NUP98: variants seen among roughly 807,000 people sequenced by gnomAD.
The protein encoded by NUP98 is nuclear pore complex protein Nup98-Nup96.
Under a neutral mutation model 191.9 loss-of-function variants are expected in NUP98, and 26 were observed. The observed-to-expected ratio is 0.14, with a 90% CI of 0.10 to 0.19. NUP98 has a LOEUF of 0.19. NUP98 is among the 10% of genes least tolerant of loss of function. NUP98 has a pLI of 1.00. For missense variants in NUP98, 1,941 were observed against 2,178.8 expected (o/e 0.89, Z 2.17); for synonymous variants, 808 against 778.4 (o/e 1.04, Z -0.63).
intron 6 of NUP98, 122 bp from the exon 7 acceptor site, chr11:3,772,050 G>C: frequency 1.3e-6 from 1 of 755,152 alleles, no homozygotes; most frequent in East Asian, 2.7e-5. Context: ...AACTAAAAAA[G>C]AGAAAACTAA....
At chr11:3,682,377 A>G (rs1199995284) in intron 30 of NUP98, among the ~76,000 whole-genome samples, 1 of 152,242 alleles carries the variant, frequency 6.6e-6, no homozygotes, top group Non-Finnish European at 1.5e-5. Context: ...TTCTCTCTGT[A>G]CACCTAATCA....
At chr11:3,741,167 A>C (rs1407585857) in intron 12 of NUP98, among the ~76,000 whole-genome samples, 1 of 152,094 alleles carries the variant, frequency 6.6e-6, no homozygotes, top group Admixed American at 6.6e-5. Flanking sequence ...CAAGCACTAA[A>C]GTACTATCAA....
chr11:3,773,466 T>C (rs1296921165), intron 6 of NUP98, among the ~76,000 whole-genome samples, 166 bp downstream of exon 6: 1 of 152,126 alleles, frequency 6.6e-6, no homozygotes, highest in Non-Finnish European at 1.5e-5. Context: ...CAAGTAGATA[T>C]CTATAAATAA....
chr11:3,787,586 GAAC>G (rs1182226771), intron 1 of NUP98, among the ~76,000 whole-genome samples: 5 of 151,750 alleles, frequency 3.3e-5, no homozygotes, highest in Non-Finnish European at 2.9e-5. Context: ...CAAAAAAAAA[GAAC>G]ATCATACCCT....
In NUP98 at chr11:3,676,626, A is replaced by G; in HGVS notation, c.5074-6T>C. 2 of 1,609,722 alleles carry G rather than the reference A, an allele frequency of 1.2e-6. No homozygotes were observed. The highest frequency in any genetic ancestry group is 1.7e-6 in the Non-Finnish European group (2 of 1,176,070). Reference sequence around the variant, plus strand: ...TCATTACCTGAGCAATCCACCTACAAAGAAGCAGAGAAGCCAATTAATCCA... The same window carrying G: ...TCATTACCTGAGCAATCCACCTACAGAGAAGCAGAGAAGCCAATTAATCCA... On this transcript the variant is annotated splice_polypyrimidine_tract_variant and splice_region_variant and intron_variant, in intron 31 of 32. Coordinates refer to ENST00000324932, the MANE Select transcript of NUP98 (RefSeq NM_016320.5).
At chr11:3,780,657 C>T (rs1170560670) in intron 2 of NUP98, among the ~76,000 whole-genome samples, 2 of 151,900 alleles carry the variant, frequency 1.3e-5, no homozygotes, top group Non-Finnish European at 1.5e-5. Flanking sequence ...AATCCTTAGC[C>T]CAGTGCCGTG....
intron 18 of NUP98, among the ~76,000 whole-genome samples, chr11:3,716,165 A>C (rs1186548266): frequency 1.3e-5 from 2 of 152,088 alleles, no homozygotes; most frequent in Non-Finnish European, 2.9e-5. Context: ...CAATGTTATG[A>C]AGCTTTTCCT....
At chr11:3,783,956 T>C (rs1225181229) in intron 1 of NUP98, among the ~76,000 whole-genome samples, 1 of 152,152 alleles carries the variant, frequency 6.6e-6, no homozygotes, top group Non-Finnish European at 1.5e-5. Context: ...CTCCACAAAT[T>C]TTCCTTAAAT....
At chr11:3,759,531 A>G (rs1443133888) in intron 10 of NUP98, among the ~76,000 whole-genome samples, 1 of 152,114 alleles carries the variant, frequency 6.6e-6, no homozygotes, top group Non-Finnish European at 1.5e-5. Context: ...CGGGAGGCAG[A>G]GTTTGCAGTG....
intron 28 of NUP98, among the ~76,000 whole-genome samples, chr11:3,688,916 TG>T (rs1385794961): frequency 1.6e-3 from 230 of 148,358 alleles, no homozygotes; most frequent in African/African-American, 5.2e-3. Flanking sequence ...AAACAAAAAC[TG>T]TAAGTATTTC....
Position 3,797,482 on chromosome 11 carries a change from A to ACCGTCGCCG in NUP98, c.-120_-112dup, listed in dbSNP as rs144528677. 6.9e-6 allele frequency: 3 copies of ACCGTCGCCG among 432,582 alleles called. No individual in the cohort carries two copies. Among genetic ancestry groups the ACCGTCGCCG allele is most frequent in the Non-Finnish European group, 1.2e-5 (3 of 246,428 alleles). The allele number at this position is 432,582 out of a possible 1,614,324, so 26.8% of individuals were successfully genotyped here. The stretch of plus-strand genomic sequence containing the variant: ...CAGAGCAGCGCGCGGCCCCCACGAA[A>ACCGTCGCCG]CCGTCGCCGCCGCCGCTACCACCCC... On this transcript the variant is annotated 5_prime_UTR_variant, in exon 1 of 33. Transcript: ENST00000324932.
chr11:3,774,419 A>G (rs1463832648), intron 5 of NUP98, among the ~76,000 whole-genome samples: 1 of 151,476 alleles, frequency 6.6e-6, no homozygotes, highest in Non-Finnish European at 1.5e-5. Flanking sequence ...CTCAAAAAAC[A>G]GCAACAACAA....
rs368211221 is a variant in NUP98, at chr11:3,775,864, T to C, written c.495+18A>G. ...TGCGGGAAAAAACATTCCACAAAGA[T>C]TGGAAGAAAATACATACGTTAAATT... On this transcript the variant is annotated intron_variant, in intron 5 of 32. Coordinates refer to ENST00000324932, the MANE Select transcript of NUP98 (RefSeq NM_016320.5). 27 of 1,602,318 alleles carry C rather than the reference T, an allele frequency of 1.7e-5. No individual in the cohort carries two copies. The highest frequency in any genetic ancestry group is 3.3e-4 in the Middle Eastern group (2 of 6,032).
intron 18 of NUP98, among the ~76,000 whole-genome samples, chr11:3,718,740 T>C (rs2079278311): frequency 6.6e-6 from 1 of 152,096 alleles, no homozygotes; most frequent in African/African-American, 2.4e-5. Context: ...CACACTAAAA[T>C]AGAGAGTTAA....
In NUP98 at chr11:3,692,142, G is replaced by C. The variant is rs78156821; in HGVS notation, c.4312-653C>G. 5.5e-3 allele frequency among the ~76,000 whole-genome samples: 836 copies of C among 152,090 alleles called. 7 individuals carry two copies. The highest frequency in any genetic ancestry group is 0.017 in the African/African-American group (704 of 41,488). On this transcript the variant is annotated intron_variant, in intron 27 of 32. Coordinates refer to ENST00000324932, the MANE Select transcript of NUP98 (RefSeq NM_016320.5). ...GAAGATATTGGCATATTACCCGTCTGACATAAAAAGATAAGAAAAAAAAAT... is the reference window on the plus strand; with the variant it reads ...GAAGATATTGGCATATTACCCGTCTCACATAAAAAGATAAGAAAAAAAAAT...
Position 3,685,900 on chromosome 11 carries a change from T to C in NUP98, c.4676+73A>G, listed in dbSNP as rs547727330. The C allele has an allele frequency of 3.9e-5, 47 of 1,215,602 alleles. No individual in the cohort carries two copies. The East Asian group carries it at 1.1e-3, about 28-fold the overall frequency. 75.3% of individuals were successfully genotyped at this position (1,215,602 alleles called of 1,614,324 possible). ...CACAATTACTTGCTAAACTGAACCC[T>C]GAAAGACTGATTCCTTTGGAATTGC... On this transcript the variant is annotated intron_variant, in intron 29 of 32. Coordinates refer to ENST00000324932, the MANE Select transcript of NUP98 (RefSeq NM_016320.5).
At chr11:3,696,019 C>T (rs1462258485) in intron 25 of NUP98, among the ~76,000 whole-genome samples, 2 of 151,638 alleles carry the variant, frequency 1.3e-5, no homozygotes, top group Non-Finnish European at 2.9e-5. Context: ...TGGTGAAACC[C>T]CGTCCCTACT....
chr11:3,706,488 G>C lies in NUP98; in HGVS notation c.2882C>G (p.Thr961Arg). 6.2e-7 allele frequency: 1 copy of C among 1,614,102 alleles called. No homozygotes were observed. The highest frequency in any genetic ancestry group is 8.5e-7 in the Non-Finnish European group (1 of 1,179,996). ...AATTCCCAGTGAAGATGCAATATGT[G>C]TTGAGGCAGACACAGGTTCCTGATC... The part of the protein sequence containing the change: ...PEDQEPVSAS[T>R]HIASSLGINP... The change falls in exon 21 of 33, where the codon ACA becomes AGA. Residue 961 changes from threonine (T) to arginine (R), a missense_variant. Coordinates refer to ENST00000324932, the MANE Select transcript of NUP98 (RefSeq NM_016320.5).
Position 3,683,352 on chromosome 11 carries a change from G to C in NUP98, c.4766C>G (p.Thr1589Ser). 6.2e-7 allele frequency: 1 copy of C among 1,614,134 alleles called. No individual in the cohort carries two copies. Among genetic ancestry groups the C allele is most frequent in the Non-Finnish European group, 8.5e-7 (1 of 1,180,022 alleles). Residue 1589 changes from threonine to serine, a missense_variant, in exon 30 of 33, where the codon ACC becomes AGC. Around this residue, in one of 6 missense-constraint regions of NUP98, gnomAD observed 1,030 missense variants for 1,115.8 expected, o/e 0.92. Coordinates refer to ENST00000324932, the MANE Select transcript of NUP98 (RefSeq NM_016320.5). ...TTTGGCAGGTACACGGAGCTTCTGG[G>C]TAAGGAAAGTCTCTTTAGCCCAAGA... Reference protein sequence around the residue: ...PESWAKETFLTQKLRVPAKWI... With the variant: ...PESWAKETFLSQKLRVPAKWI...
Sources: gnomAD v4.1 joint callset for allele counts (sites outside exome capture counted in the v4.1 genomes callset) on GRCh38, gnomAD v4.1.1 for gene constraint, gnomAD v4.1.1 regional missense constraint, MANE v1.5 for transcripts, NCBI Gene and HGNC (gene_info 2026-07-23, HGNC 2026-07-21) for gene names.